The following RABGAP1L variants were observed in gnomAD, a reference collection of about 807,000 sequenced individuals.
The protein encoded by RABGAP1L is rab GTPase-activating protein 1-like.
RABGAP1L carries 63 observed loss-of-function variants against 137.7 expected under a neutral mutation model. The ratio of observed to expected loss-of-function variants is 0.46; its 90% CI spans 0.37 to 0.56. The LOEUF (loss-of-function observed/expected upper bound fraction) is 0.56. Ranked by LOEUF, RABGAP1L falls within the 20% of genes least tolerant of loss-of-function variation. The pLI is 0.00. For missense variants in RABGAP1L, 1,095 were observed against 1,244.0 expected, an observed-to-expected ratio of 0.88 and a Z score of 1.80; for synonymous variants, 431 against 433.7, an observed-to-expected ratio of 0.99 and a Z score of 0.08.
intron 19 of RABGAP1L, among the ~76,000 whole-genome samples, chr1:174,891,957 C>G (rs1158148921): frequency 7.8e-6 from 1 of 127,820 alleles, no homozygotes; most frequent in Non-Finnish European, 1.6e-5. Flanking sequence ...GGTAATCTCC[C>G]TATCCAAATA....
chr1:174,778,591 G>A (rs1195489438), intron 18 of RABGAP1L, among the ~76,000 whole-genome samples: 1 of 151,916 alleles, frequency 6.6e-6, no homozygotes, highest in African/African-American at 2.4e-5. Context: ...ATAAGTCCTT[G>A]AACCTTCTGC....
At chr1:174,489,013 C>T (rs1211316523) in intron 13 of RABGAP1L, among the ~76,000 whole-genome samples, 7 of 147,998 alleles carry the variant, frequency 4.7e-5, no homozygotes, top group Admixed American at 1.4e-4. Flanking sequence ...TGAGAACATG[C>T]GGTGTTTGGT....
At chr1:174,782,334 A>G (rs1255054985) in intron 18 of RABGAP1L, among the ~76,000 whole-genome samples, 1 of 152,094 alleles carries the variant, frequency 6.6e-6, no homozygotes, top group Non-Finnish European at 1.5e-5. Flanking sequence ...AGCAATTGTG[A>G]ATGGGAATTC....
chr1:174,223,990 A>T (rs1406655727), intron 3 of RABGAP1L, among the ~76,000 whole-genome samples: 4 of 152,180 alleles, frequency 2.6e-5, no homozygotes, highest in African/African-American at 9.7e-5. Context: ...GTGTTGGGAC[A>T]GTTGCATCTT....
At chr1:174,835,885 C>A (rs1023900185) in intron 19 of RABGAP1L, among the ~76,000 whole-genome samples, 1 of 152,164 alleles carries the variant, frequency 6.6e-6, no homozygotes, top group Non-Finnish European at 1.5e-5. Context: ...TTCATGCTGT[C>A]TATCCCTTGT....
At chr1:174,635,695 C>T (rs554691298) in intron 13 of RABGAP1L, among the ~76,000 whole-genome samples, 2 of 152,092 alleles carry the variant, frequency 1.3e-5, no homozygotes, top group South Asian at 4.2e-4. Context: ...TCAGAATTTC[C>T]TCTGGATCGA....
intron 13 of RABGAP1L, among the ~76,000 whole-genome samples, chr1:174,435,508 C>G (rs1260700987): frequency 6.6e-6 from 1 of 151,752 alleles, no homozygotes; most frequent in South Asian, 2.1e-4. Flanking sequence ...TTTCTAATAC[C>G]ATTTACTGAG....
chr1:174,271,373 T>A (rs1388024342), intron 7 of RABGAP1L, among the ~76,000 whole-genome samples: 1 of 152,094 alleles, frequency 6.6e-6, no homozygotes, highest in Non-Finnish European at 1.5e-5. Context: ...ACAACAAGGA[T>A]GAGAATAACG....
chr1:174,397,335 C>A (rs1410811902), intron 13 of RABGAP1L, among the ~76,000 whole-genome samples: 1 of 152,194 alleles, frequency 6.6e-6, no homozygotes, highest in African/African-American at 2.4e-5. Context: ...TTGGCAGATA[C>A]CTGGGCTTCA....
chr1:174,416,037 C>CACATATATAT (rs1483801335), intron 13 of RABGAP1L, among the ~76,000 whole-genome samples: 1 of 126,270 alleles, frequency 7.9e-6, no homozygotes, highest in Non-Finnish European at 1.6e-5. Flanking sequence ...TATATATATA[C>CACATATATAT]ACACACATTT....
chr1:174,445,515 T>C (rs1654643731), intron 13 of RABGAP1L, among the ~76,000 whole-genome samples: 1 of 152,202 alleles, frequency 6.6e-6, no homozygotes. Context: ...GTAGTGTTAG[T>C]TCTATTGCTT....
intron 17 of RABGAP1L, among the ~76,000 whole-genome samples, chr1:174,703,045 TG>T (rs1453077440): frequency 1.3e-5 from 2 of 152,188 alleles, no homozygotes; most frequent in African/African-American, 4.8e-5. Context: ...AGCTTATCTA[TG>T]TGATTATAAG....
At chr1:174,520,479 T>G (rs1663265807) in intron 13 of RABGAP1L, among the ~76,000 whole-genome samples, 2 of 152,196 alleles carry the variant, frequency 1.3e-5, no homozygotes, top group African/African-American at 4.8e-5. Flanking sequence ...ATATATAAAC[T>G]GAATTGTTTT....
At chr1:174,663,413 A>G (rs149267083) in intron 14 of RABGAP1L, among the ~76,000 whole-genome samples, 2 of 152,328 alleles carry the variant, frequency 1.3e-5, no homozygotes, top group East Asian at 1.9e-4. Context: ...CATGCTGTAC[A>G]AGTTTGTAGC....
intron 19 of RABGAP1L, among the ~76,000 whole-genome samples, chr1:174,933,119 TATACATAC>T (rs760968397): frequency 6.6e-5 from 10 of 151,744 alleles, no homozygotes; most frequent in Admixed American, 2.0e-4. Context: ...TACATACATT[TATACATAC>T]ATACATACAT....
intron 13 of RABGAP1L, among the ~76,000 whole-genome samples, chr1:174,504,185 C>T (rs1482025346): frequency 6.6e-6 from 1 of 151,788 alleles, no homozygotes; most frequent in Non-Finnish European, 1.5e-5. Context: ...GTTGCCCAGG[C>T]TTGTCTCCAA....
rs370772487 is a variant in RABGAP1L at position 174,449,515 on chromosome 1, C to CT, written c.1710+55371dup. On this transcript the variant is annotated intron_variant, in intron 13 of 25. Transcript: ENST00000681986. ...GAGCAAGCCCCTTGGCTCAGCATTTCTGTCTTTCTGTCTGACTGTACCCTG... is the reference window on the plus strand; with the variant it reads ...GAGCAAGCCCCTTGGCTCAGCATTTCTTGTCTTTCTGTCTGACTGTACCCTG... Among the ~76,000 whole-genome samples, 458 of 152,310 alleles carry CT rather than the reference C, an allele frequency of 3.0e-3. 2 individuals carry two copies. The highest frequency in any genetic ancestry group is 4.7e-3 in the Non-Finnish European group (323 of 68,014).
intron 13 of RABGAP1L, among the ~76,000 whole-genome samples, chr1:174,524,880 C>A (rs1663742847): frequency 6.6e-6 from 1 of 152,116 alleles, no homozygotes; most frequent in Non-Finnish European, 1.5e-5. Flanking sequence ...ATTTTCCCAG[C>A]ACCATTTATT....
intron 11 of RABGAP1L, among the ~76,000 whole-genome samples, chr1:174,318,628 C>CTTTCTTTCTT (rs1165228761): frequency 7.4e-6 from 1 of 136,010 alleles, no homozygotes; most frequent in Non-Finnish European, 1.6e-5. Flanking sequence ...TTCTTTCTTT[C>CTTTCTTTCTT]TTTCTTTTTC....
Sources: gnomAD v4.1 joint callset for allele counts (sites outside exome capture counted in the v4.1 genomes callset) on GRCh38, gnomAD v4.1.1 for gene constraint, MANE v1.5 for transcripts, NCBI Gene and HGNC (gene_info 2026-07-23, HGNC 2026-07-21) for gene names.